Variants in MARCHF8 observed in about 807,000 individuals in gnomAD.
MARCHF8 encodes E3 ubiquitin-protein ligase MARCHF8.
In MARCHF8, 40 loss-of-function variants were observed where a neutral mutation model predicts 51.6. The observed-to-expected ratio is 0.77, with a 90% CI of 0.60 to 1.01. The LOEUF (loss-of-function observed/expected upper bound fraction) is 1.01, where lower values mean the gene tolerates loss of function less well. Among genes scored for constraint, MARCHF8 ranks in the 50% least tolerant of loss-of-function variants. The pLI is 0.00. For synonymous variants in MARCHF8, 263 were observed against 280.3 expected, an observed-to-expected ratio of 0.94 and a Z score of 0.62; for missense variants, 685 against 708.6, an observed-to-expected ratio of 0.97 and a Z score of 0.38.
chr10:45,541,020 A>G (rs1245792236), intron 1 of MARCHF8, among the ~76,000 whole-genome samples: 1 of 152,224 alleles, frequency 6.6e-6, no homozygotes, highest in Non-Finnish European at 1.5e-5. Context: ...GCGATTCCCC[A>G]GGGATCTAGA....
chr10:45,459,406 T>G, intron 6 of MARCHF8, 139 bp from the exon 7 acceptor site: 1 of 1,033,996 alleles, frequency 9.7e-7, no homozygotes, highest in East Asian at 2.7e-5. Context: ...CAAGTATTGT[T>G]CTCCTAAAAC....
chr10:45,561,277 T>TC (rs1217551421), intron 1 of MARCHF8, among the ~76,000 whole-genome samples: 1 of 144,868 alleles, frequency 6.9e-6, no homozygotes, highest in East Asian at 2.0e-4. Context: ...GAAACAGAAT[T>TC]TTTTTTTTTT....
At chr10:45,516,069 T>C (rs1269287362) in intron 2 of MARCHF8, among the ~76,000 whole-genome samples, 3 of 152,100 alleles carry the variant, frequency 2.0e-5, no homozygotes, top group Non-Finnish European at 4.4e-5. Context: ...CCCTACCCCA[T>C]CCCATGAATG....
At chr10:45,512,294 C>T (rs1385100357) in intron 2 of MARCHF8, among the ~76,000 whole-genome samples, 1 of 151,606 alleles carries the variant, frequency 6.6e-6, no homozygotes, top group Non-Finnish European at 1.5e-5. Context: ...GCAGCCACCC[C>T]GTCTGGGAAG....
At chr10:45,571,703 C>T (rs2133392563) in intron 1 of MARCHF8, among the ~76,000 whole-genome samples, 1 of 152,278 alleles carries the variant, frequency 6.6e-6, no homozygotes, top group African/African-American at 2.4e-5. Context: ...AACATCTCAC[C>T]AATTTTAAAT....
At chr10:45,499,403 C>T (rs868675417) in intron 2 of MARCHF8, among the ~76,000 whole-genome samples, 14 of 152,176 alleles carry the variant, frequency 9.2e-5, no homozygotes, top group South Asian at 2.1e-4. Flanking sequence ...ACCCTGTCCA[C>T]TGTTTCCTTT....
chr10:45,536,633 T>C (rs1056560727), upstream of MARCHF8, among the ~76,000 whole-genome samples: 1 of 151,522 alleles, frequency 6.6e-6, no homozygotes, highest in Admixed American at 6.6e-5. Context: ...AAGAAAAAGT[T>C]TGCAAATCAT....
chr10:45,459,310 A>AG (rs1306543873), intron 6 of MARCHF8, 43 bp from the exon 7 acceptor site: 30 of 1,604,988 alleles, frequency 1.9e-5, no homozygotes, highest in African/African-American at 2.7e-5. Context: ...CTTCTGGGGA[A>AG]GGGCTCCGGT....
At chr10:45,512,789 A>G (rs929435507) in intron 2 of MARCHF8, among the ~76,000 whole-genome samples, 8 of 151,864 alleles carry the variant, frequency 5.3e-5, no homozygotes, top group Non-Finnish European at 1.2e-4. Context: ...GAAAGGGGGG[A>G]AAGGTGGGGA....
chr10:45,515,696 T>G (rs2043606860), intron 2 of MARCHF8, among the ~76,000 whole-genome samples: 1 of 152,114 alleles, frequency 6.6e-6, no homozygotes, highest in Non-Finnish European at 1.5e-5. Flanking sequence ...CCTCACCAAG[T>G]CCCCTCATTG....
chr10:45,469,864 CAAAAAAAA>C (rs55832920), intron 3 of MARCHF8, among the ~76,000 whole-genome samples: 3 of 57,026 alleles, frequency 5.3e-5, no homozygotes, highest in African/African-American at 1.4e-4. Flanking sequence ...GACTCCGTCT[CAAAAAAAA>C]AAAAAAAAAA....
chr10:45,499,392 C>T (rs2043235610), intron 2 of MARCHF8, among the ~76,000 whole-genome samples: 1 of 152,078 alleles, frequency 6.6e-6, no homozygotes, highest in Admixed American at 6.6e-5. Context: ...GTGGCCTTTC[C>T]ACCCTGTCCA....
chr10:45,507,575 TTTATGCA>T (rs1300021474), intron 2 of MARCHF8, among the ~76,000 whole-genome samples: 2 of 152,122 alleles, frequency 1.3e-5, no homozygotes, highest in African/African-American at 4.8e-5. Context: ...TAAGTGAGAA[TTTATGCA>T]TTACCCAGAG....
intron 2 of MARCHF8, among the ~76,000 whole-genome samples, chr10:45,526,120 C>G (rs997517995): frequency 3.3e-5 from 5 of 152,132 alleles, no homozygotes; most frequent in African/African-American, 1.2e-4. Flanking sequence ...AAGCTTGGTT[C>G]AAGATGGCTA....
intron 1 of MARCHF8, among the ~76,000 whole-genome samples, chr10:45,588,211 A>G (rs2133441857): frequency 6.6e-6 from 1 of 152,188 alleles, no homozygotes; most frequent in Middle Eastern, 3.4e-3. Flanking sequence ...ACATGTCTTC[A>G]TTTCTTAAAT....
At chr10:45,512,697 C>A (rs969991583) in intron 2 of MARCHF8, among the ~76,000 whole-genome samples, 1 of 152,096 alleles carries the variant, frequency 6.6e-6, no homozygotes, top group African/African-American at 2.4e-5. Context: ...AGCCCCTCTG[C>A]CCGGCCACCA....
intron 2 of MARCHF8, among the ~76,000 whole-genome samples, chr10:45,509,971 A>G (rs2043464882): frequency 1.3e-5 from 2 of 149,292 alleles, no homozygotes; most frequent in South Asian, 4.2e-4. Flanking sequence ...CCAGCTGAAC[A>G]ACGCCTGTAA....
intron 2 of MARCHF8, among the ~76,000 whole-genome samples, chr10:45,523,529 T>G (rs1276745517): frequency 2.0e-5 from 3 of 152,136 alleles, no homozygotes; most frequent in Admixed American, 2.0e-4. Context: ...CTAAACTAAA[T>G]AAATAAAAAC....
chr10:45,481,026 C>T (rs2042875834), intron 3 of MARCHF8, among the ~76,000 whole-genome samples: 1 of 152,336 alleles, frequency 6.6e-6, no homozygotes, highest in South Asian at 2.1e-4. Flanking sequence ...TGCCAAAGGC[C>T]GTGGGAGCCC....
Sources: allele counts gnomAD v4.1 joint callset (sites outside exome capture counted in the v4.1 genomes callset), GRCh38; gene constraint gnomAD v4.1.1; transcripts MANE v1.5; gene names NCBI Gene and HGNC (gene_info 2026-07-23, HGNC 2026-07-21).